PRC1: variants seen among roughly 807,000 people sequenced by gnomAD.
PRC1 encodes anaphase spindle elongation 1 homolog.
Under a neutral mutation model 91.2 loss-of-function variants are expected in PRC1, and 54 were observed. That is an observed-to-expected ratio of 0.59 (90% CI 0.48 to 0.74). The LOEUF is 0.74. Among genes scored for constraint, PRC1 ranks in the 30% least tolerant of loss-of-function variants. PRC1 has a pLI of 0.00. For missense variants in PRC1, 727 were observed against 746.2 expected, an observed-to-expected ratio of 0.97 and a Z score of 0.30; for synonymous variants, 275 against 263.6, an observed-to-expected ratio of 1.04 and a Z score of -0.42.
In PRC1 at chr15:90,966,282, T is replaced by C. The variant is rs1489745313; in HGVS notation, c.*849A>G. On this transcript the variant is annotated 3_prime_UTR_variant, in exon 15 of 15. Coordinates refer to ENST00000394249, the MANE Select transcript of PRC1 (RefSeq NM_003981.4). ...GATAGGTAAAGAGGGCGCCTCATCG[T>C]GGAAGCTAGAGCAGGAACACCTCCC... The C allele has an allele frequency of 4.4e-6, 1 of 225,810 alleles. No individual in the cohort carries two copies. The highest frequency in any genetic ancestry group is 9.2e-6 in the Non-Finnish European group (1 of 109,112). 14.0% of individuals were successfully genotyped at this position (225,810 alleles called of 1,614,324 possible). A position where few individuals can be genotyped will look rare whatever the true frequency, so the allele number is the denominator to read the frequency against.
intron 1 of PRC1, among the ~76,000 whole-genome samples, chr15:90,992,559 A>G (rs1439400845): frequency 6.6e-6 from 1 of 152,178 alleles, no homozygotes; most frequent in Admixed American, 6.6e-5. Flanking sequence ...AGGCCCAAGA[A>G]GTCTTTTTGA....
chr15:90,967,690 GTTTGT>G, intron 14 of PRC1: 1 of 410,616 alleles, frequency 2.4e-6, no homozygotes, highest in Non-Finnish European at 3.3e-6. Flanking sequence ...TGCTGCCCAG[GTTTGT>G]AGCCTAGGAG....
At position 90,974,650 on chromosome 15, in the gene PRC1, T is replaced by C. The variant is rs2038512621; in HGVS notation, c.1285A>G (p.Met429Val). 6.2e-7 allele frequency: 1 copy of C among 1,614,228 alleles called. No homozygotes were observed. The highest frequency in any genetic ancestry group is 2.2e-5 in the East Asian group (1 of 44,886). Residue 429 changes from methionine to valine, a missense_variant, in exon 10 of 15, where the codon ATG (methionine) becomes GTG (valine). Met to Val is a conservative substitution (Grantham distance 21). Coordinates refer to ENST00000394249, the MANE Select transcript of PRC1 (RefSeq NM_003981.4). The surrounding 1 kb of genome is among the most constrained non-coding windows in gnomAD (Gnocchi z 4.6). ...KAFMVNGQKFMEYVAEQWEMH... is the reference protein window; with the variant it reads ...KAFMVNGQKFVEYVAEQWEMH... ...TCCCATTGTTCTGCCACATACTCCA[T>C]GAATTTCTGCCCATTCACCATAAAT...
Position 90,966,975 on chromosome 15 carries a change from G to A in PRC1, c.*156C>T, listed in dbSNP as rs542518897. The A allele has an allele frequency of 1.1e-5, 7 of 663,590 alleles. No homozygotes were observed. Among genetic ancestry groups the A allele is most frequent in the African/African-American group, 5.4e-5 (3 of 55,190 alleles). The allele number at this position is 663,590 out of a possible 1,614,324, so 41.1% of individuals were successfully genotyped here. On this transcript the variant is annotated 3_prime_UTR_variant, in exon 15 of 15. Transcript: ENST00000394249. ...CTAAACCTATGATGGGCTTTCAACT[G>A]TAACACTCATTCACATCTTTAAGTT...
intron 1 of PRC1, among the ~76,000 whole-genome samples, chr15:90,991,497 A>T (rs906232372): frequency 1.3e-5 from 2 of 151,948 alleles, no homozygotes; most frequent in South Asian, 4.2e-4. Flanking sequence ...GGGTGTTTGG[A>T]ATTACCAAAC....
intron 13 of PRC1, 37 bp from the exon 14 acceptor site, chr15:90,969,157 C>T (rs1314781826): frequency 6.3e-7 from 1 of 1,584,644 alleles, no homozygotes; most frequent in Admixed American, 1.7e-5. Flanking sequence ...CCAAGAACTC[C>T]ACCAAGAGAG....
At chr15:90,979,343 T>A in intron 7 of PRC1, 49 bp from the exon 8 acceptor site, 1 of 1,558,210 alleles carries the variant, frequency 6.4e-7, no homozygotes, top group Non-Finnish European at 8.7e-7. Flanking sequence ...TAGTATTTAG[T>A]ATCCAATTTT....
chr15:90,976,570 G>T, intron 9 of PRC1, 106 bp downstream of exon 9: 1 of 937,734 alleles, frequency 1.1e-6, no homozygotes. Flanking sequence ...CTCTGCCTAA[G>T]CTTTGAAGAA....
Position 90,974,598 on chromosome 15 carries a change from GCT to G in PRC1, c.1335_1336del (p.Arg445SerfsTer27), listed in dbSNP as rs1228877505. On this transcript the variant is annotated frameshift_variant, in exon 10 of 15. Transcript: ENST00000394249. LOFTEE classifies it high-confidence loss of function. The surrounding 1 kb of genome is among the most constrained non-coding windows in gnomAD (Gnocchi z 4.6). ...GTTCACACTTACTCTTTCCTGCTTGGCTCTCTCTTTCTCCAATCGATGCATCT... is the reference window on the plus strand; with the variant it reads ...GTTCACACTTACTCTTTCCTGCTTGGCTCTCTTTCTCCAATCGATGCATCT... The G allele has an allele frequency of 2.5e-6, 4 of 1,614,096 alleles. No individual in the cohort carries two copies. Among genetic ancestry groups the G allele is most frequent in the South Asian group, 2.2e-5 (2 of 91,082 alleles).
In PRC1 at chr15:90,969,498, G is replaced by T. The variant is rs1436990209; in HGVS notation, c.1698C>A (p.Leu566=). ...LSGGYPGSAP[L]QRNFSINSVA... is the part of the protein sequence containing the mutation. ...CAGAATTAATGCTGAAGTTGCGCTG[G>T]AGGGGGGCCGAGCCAGGGTACCCAC... is the stretch of plus-strand genomic sequence containing the variant. The change falls in exon 13 of 15, where the codon CTC becomes CTA. Residue 566 remains leucine, a synonymous_variant. Transcript: ENST00000394249. The T allele has an allele frequency of 7.4e-6, 12 of 1,612,564 alleles. No individual in the cohort carries two copies. Among genetic ancestry groups the T allele is most frequent in the Non-Finnish European group, 1.0e-5 (12 of 1,179,242 alleles).
At position 90,984,023 on chromosome 15, in the gene PRC1, A is replaced by G. The variant is rs779230400; in HGVS notation, c.262T>C (p.Phe88Leu). The G allele has an allele frequency of 1.2e-6, 2 of 1,613,880 alleles. No individual in the cohort carries two copies. Among genetic ancestry groups the G allele is most frequent in the African/African-American group, 2.7e-5 (2 of 74,906 alleles). Residue 88 changes from phenylalanine (F) to leucine (L), a missense_variant, in exon 3 of 15, where the codon TTT becomes CTT. By Grantham distance (22) the Phe-to-Leu change is conservative (BLOSUM62 0). Coordinates refer to ENST00000394249, the MANE Select transcript of PRC1 (RefSeq NM_003981.4). This position sits in a 1 kb window ranked among gnomAD's most constrained non-coding sequence, Gnocchi z 5.1. Reference sequence around the variant, plus strand: ...CCCTGTGGGCTGCCACGGACCTGAAATGGCTCAACATGTAACTCGCTGCAC... The same window carrying G: ...CCCTGTGGGCTGCCACGGACCTGAAGTGGCTCAACATGTAACTCGCTGCAC... ...TLCSELHVEP[F>L]QEEGETTILQ...
rs1412767410 is a variant in PRC1, at chr15:90,994,329, C to T, written c.11+78G>A. On this transcript the variant is annotated intron_variant, in intron 1 of 14. Coordinates refer to ENST00000394249, the MANE Select transcript of PRC1 (RefSeq NM_003981.4). ...TAGGCCCGGGACCCCGCACGGGTCC[C>T]GCACCCCTGAACAGGCCCCGCAGCC... 3.7e-6 allele frequency: 6 copies of T among 1,605,724 alleles called. No individual in the cohort carries two copies. The East Asian group carries it at 9.0e-5, about 24-fold the overall frequency.
chr15:90,970,050 G>A (rs116931931), intron 12 of PRC1, among the ~76,000 whole-genome samples: 244 of 152,244 alleles, frequency 1.6e-3, no homozygotes, highest in Middle Eastern at 3.4e-3. Flanking sequence ...TACCTGGCAT[G>A]TCTAGTGATC....
At chr15:90,980,820 C>T in intron 6 of PRC1, 64 bp downstream of exon 6, 5 of 1,604,950 alleles carry the variant, frequency 3.1e-6, no homozygotes, top group Non-Finnish European at 4.3e-6. Context: ...CAACAACAGT[C>T]TTTATGACTA....
intron 11 of PRC1, among the ~76,000 whole-genome samples, chr15:90,971,627 G>A (rs908021025): frequency 6.6e-5 from 10 of 151,330 alleles, no homozygotes; most frequent in Non-Finnish European, 1.2e-4. Context: ...CTAGGGGGCC[G>A]GGCACGGTGG....
At chr15:90,989,324 C>G (rs756090714) in intron 1 of PRC1, among the ~76,000 whole-genome samples, 19 of 151,666 alleles carry the variant, frequency 1.3e-4, no homozygotes, top group Non-Finnish European at 5.9e-5. Context: ...CATAGCTCAA[C>G]GCAGCCTCAA....
intron 8 of PRC1, 114 bp from the exon 9 acceptor site, chr15:90,976,885 C>T (rs771838534): frequency 2.5e-6 from 2 of 802,966 alleles, no homozygotes; most frequent in Admixed American, 2.5e-5. Flanking sequence ...AATCCCAGCA[C>T]TTTGGGAGGC....
chr15:90,974,327 T>G lies in PRC1; in HGVS notation c.1351-81A>C. 1 of 1,273,876 alleles carries G rather than the reference T, an allele frequency of 7.9e-7. No homozygotes were observed. The allele number at this position is 1,273,876 out of a possible 1,614,324, so 78.9% of individuals were successfully genotyped here. On this transcript the variant is annotated intron_variant, in intron 10 of 14. Coordinates refer to ENST00000394249, the MANE Select transcript of PRC1 (RefSeq NM_003981.4). The surrounding 1 kb of genome is among the most constrained non-coding windows in gnomAD (Gnocchi z 4.6). ...ATGGCAACAGCAGCAGGGCCGGGAA[T>G]CTAGGCCCGTGTCTCTACAGCCAGA... is the stretch of plus-strand genomic sequence containing the variant.
intron 7 of PRC1, 129 bp from the exon 8 acceptor site, chr15:90,979,423 G>C (rs1480691420): frequency 4.8e-6 from 5 of 1,049,818 alleles, no homozygotes; most frequent in Non-Finnish European, 6.9e-6. Flanking sequence ...GAAGAGGCGT[G>C]TGTGTGTGTG....
Sources: allele counts gnomAD v4.1 joint callset (sites outside exome capture counted in the v4.1 genomes callset), GRCh38; gene constraint gnomAD v4.1.1; non-coding constraint Gnocchi (gnomAD v3.1); transcripts MANE v1.5; gene names NCBI Gene and HGNC (gene_info 2026-07-23, HGNC 2026-07-21).